The following CRYL1 variants were observed in gnomAD, a reference collection of about 807,000 sequenced individuals.
The protein encoded by CRYL1 is crystallin lambda 1, also known as lambda-crystallin homolog.
CRYL1 carries 29 observed loss-of-function variants against 36.6 expected under a neutral mutation model. That is an observed-to-expected ratio of 0.79 (90% CI 0.59 to 1.08). The LOEUF is 1.08. CRYL1 is among the 50% of genes least tolerant of loss of function. The pLI, the probability that CRYL1 is intolerant of heterozygous loss-of-function variation, is 0.00. For synonymous variants in CRYL1, 152 were observed against 151.5 expected (o/e 1.00, Z -0.02); for missense variants, 411 against 407.9 (o/e 1.01, Z -0.06).
intron 2 of CRYL1, among the ~76,000 whole-genome samples, chr13:20,497,848 CACA>C (rs1208982773): frequency 6.6e-6 from 1 of 151,816 alleles, no homozygotes; most frequent in Admixed American, 6.6e-5. Context: ...ACCACATACA[CACA>C]ACTACACACA....
At chr13:20,472,425 A>C (rs1264748712) in intron 3 of CRYL1, among the ~76,000 whole-genome samples, 2 of 152,204 alleles carry the variant, frequency 1.3e-5, no homozygotes, top group Non-Finnish European at 2.9e-5. Flanking sequence ...CAGCTGTCAT[A>C]GCTCACTCTT....
chr13:20,409,031 C>G (rs981664606), intron 6 of CRYL1, among the ~76,000 whole-genome samples: 2 of 152,088 alleles, frequency 1.3e-5, no homozygotes, highest in African/African-American at 2.4e-5. Flanking sequence ...AAACAGAGCC[C>G]GCATCACCAA....
rs55719240 is a variant in CRYL1 at position 20,414,206 on chromosome 13, T to TAC, written c.634-821_634-820dup. On this transcript the variant is annotated intron_variant, in intron 5 of 7. Transcript: ENST00000298248. ...AATAAATAAATAAAAATTAAAAAAA[T>TAC]ACACACACACACACACACACACATA... Among the ~76,000 whole-genome samples, 28,684 of 150,414 alleles carry TAC rather than the reference T, an allele frequency of 0.19. 3,129 individuals are homozygous for TAC. The highest frequency in any genetic ancestry group is 0.3 in the East Asian group (1,533 of 5,074).
chr13:20,420,250 G>A (rs1166313693), intron 5 of CRYL1, among the ~76,000 whole-genome samples: 2 of 152,222 alleles, frequency 1.3e-5, no homozygotes, highest in Non-Finnish European at 2.9e-5. Flanking sequence ...AGCGCTCCGG[G>A]GAAAGAAGAT....
At chr13:20,462,298 G>A (rs2032847893) in intron 3 of CRYL1, among the ~76,000 whole-genome samples, 1 of 151,700 alleles carries the variant, frequency 6.6e-6, no homozygotes, top group Non-Finnish European at 1.5e-5. Flanking sequence ...AGTACAGATG[G>A]CTGTTAGGAC....
chr13:20,440,307 T>C (rs73443937), intron 3 of CRYL1, among the ~76,000 whole-genome samples: 13,353 of 152,264 alleles, frequency 0.088, 2,008 homozygotes, highest in African/African-American at 0.3. Context: ...TGTTCATCTG[T>C]CTTTTGTTAT....
chr13:20,464,723 CAA>C (rs1440399533), intron 3 of CRYL1, among the ~76,000 whole-genome samples: 2 of 152,194 alleles, frequency 1.3e-5, no homozygotes. Flanking sequence ...TTATTGCTCT[CAA>C]TGTCTTTCTG....
intron 3 of CRYL1, among the ~76,000 whole-genome samples, chr13:20,459,742 T>G (rs796607083): frequency 2.3e-4 from 35 of 152,140 alleles, no homozygotes; most frequent in African/African-American, 8.4e-4. Context: ...CTATCAGATA[T>G]TATGCTGATT....
rs145864455 is a variant in CRYL1 at position 20,463,896 on chromosome 13, TGCA to T, written c.277-24145_277-24143del. Among the ~76,000 whole-genome samples, 488 of 152,244 alleles carry T rather than the reference TGCA, an allele frequency of 3.2e-3. 4 individuals are homozygous for T. Among genetic ancestry groups the T allele is most frequent in the Middle Eastern group, 6.8e-3 (2 of 294 alleles). On this transcript the variant is annotated intron_variant, in intron 3 of 7. Coordinates refer to ENST00000298248, the MANE Select transcript of CRYL1 (RefSeq NM_015974.3). The stretch of plus-strand genomic sequence containing the variant: ...CAGAAATGCTGCCTGTCTACGTCCA[TGCA>T]GAGGAGAACCCTCAAAAAGAGGCTG...
At chr13:20,517,324 G>A (rs535265912) in intron 1 of CRYL1, among the ~76,000 whole-genome samples, 3 of 152,246 alleles carry the variant, frequency 2.0e-5, no homozygotes, top group East Asian at 1.9e-4. Flanking sequence ...TTTATGGCCG[G>A]GTGCAGTGGC....
intron 3 of CRYL1, among the ~76,000 whole-genome samples, chr13:20,446,521 G>A (rs2032460163): frequency 6.6e-6 from 1 of 152,212 alleles, no homozygotes; most frequent in African/African-American, 2.4e-5. Context: ...TGAATGAAGA[G>A]GGATTATTCT....
intron 3 of CRYL1, among the ~76,000 whole-genome samples, chr13:20,469,111 C>G (rs965647243): frequency 6.6e-6 from 1 of 152,196 alleles, no homozygotes; most frequent in Non-Finnish European, 1.5e-5. Flanking sequence ...CGACCAACAA[C>G]TTACTTTCTG....
At chr13:20,483,605 T>G (rs2033325867) in intron 3 of CRYL1, among the ~76,000 whole-genome samples, 1 of 152,130 alleles carries the variant, frequency 6.6e-6, no homozygotes, top group Non-Finnish European at 1.5e-5. Flanking sequence ...AGTGGCGGGA[T>G]CTCAGCTTAC....
intron 2 of CRYL1, among the ~76,000 whole-genome samples, chr13:20,506,035 C>T (rs2033791622): frequency 6.6e-6 from 1 of 152,152 alleles, no homozygotes; most frequent in Admixed American, 6.5e-5. Context: ...GGGAATGGTA[C>T]ATTTGAAGAT....
chr13:20,502,162 C>T (rs1385428868), intron 2 of CRYL1, among the ~76,000 whole-genome samples: 1 of 152,198 alleles, frequency 6.6e-6, no homozygotes, highest in Non-Finnish European at 1.5e-5. Context: ...CCATTATTCA[C>T]ACCCATTAGC....
intron 6 of CRYL1, among the ~76,000 whole-genome samples, chr13:20,407,626 C>A (rs541232118): frequency 2.0e-5 from 3 of 152,246 alleles, no homozygotes; most frequent in Non-Finnish European, 4.4e-5. Flanking sequence ...TGTATTTTTT[C>A]TTCTGTGCTT....
chr13:20,459,836 A>T (rs183399784), intron 3 of CRYL1, among the ~76,000 whole-genome samples: 1 of 152,284 alleles, frequency 6.6e-6, no homozygotes. Flanking sequence ...TACCCCTTGA[A>T]CCTAAAATAA....
intron 6 of CRYL1, among the ~76,000 whole-genome samples, chr13:20,413,007 G>A (rs767364583): frequency 3.3e-5 from 5 of 152,114 alleles, no homozygotes; most frequent in Non-Finnish European, 5.9e-5. Context: ...GACATGCTGC[G>A]AAGTTTCTGT....
At chr13:20,413,955 C>T (rs2031589556) in intron 5 of CRYL1, among the ~76,000 whole-genome samples, 1 of 152,024 alleles carries the variant, frequency 6.6e-6, no homozygotes, top group South Asian at 2.1e-4. Flanking sequence ...TGGGGGATCA[C>T]CTGAGGTCAG....
Sources: allele counts gnomAD v4.1 joint callset (sites outside exome capture counted in the v4.1 genomes callset), GRCh38; gene constraint gnomAD v4.1.1; transcripts MANE v1.5; gene names NCBI Gene and HGNC (gene_info 2026-07-23, HGNC 2026-07-21).